The following LRWD1 variants were observed in gnomAD, a reference collection of about 807,000 sequenced individuals.
LRWD1 encodes the protein leucine-rich repeat and WD repeat-containing protein 1.
LRWD1 carries 76 observed loss-of-function variants against 75.6 expected under a neutral mutation model. That is an observed-to-expected ratio of 1.01 (90% CI 0.84 to 1.22). LRWD1 has a LOEUF of 1.22. LRWD1 is among the 50% of genes most tolerant of loss of function. LRWD1 has a pLI of 0.00. For missense variants in LRWD1, 917 were observed against 862.0 expected, an observed-to-expected ratio of 1.06 and a Z score of -0.80; for synonymous variants, 487 against 377.0, an observed-to-expected ratio of 1.29 and a Z score of -3.38.
At chr7:102,471,945 G>A in intron 11 of LRWD1, 1 of 442,704 alleles carries the variant, frequency 2.3e-6, no homozygotes, top group Non-Finnish European at 4.2e-6. Context: ...TCGCTTCAGA[G>A]CCTTATCCAA....
chr7:102,467,904 C>T (rs1183778237), intron 5 of LRWD1, 81 bp downstream of exon 5: 11 of 1,509,034 alleles, frequency 7.3e-6, no homozygotes, highest in Non-Finnish European at 9.8e-6. Flanking sequence ...GCGTCCTGGG[C>T]ATGTGCCCAG....
intron 8 of LRWD1, 95 bp downstream of exon 8, chr7:102,468,749 T>C (rs2133268277): frequency 4.6e-6 from 7 of 1,522,906 alleles, no homozygotes; most frequent in African/African-American, 1.4e-5. Flanking sequence ...CCCTGCCCCA[T>C]GGCCTTTTTC....
At chr7:102,469,321 GC>G (rs1798116123) in intron 9 of LRWD1, among the ~76,000 whole-genome samples, 1 of 152,220 alleles carries the variant, frequency 6.6e-6, no homozygotes, top group Non-Finnish European at 1.5e-5. Context: ...GGATGCCCCT[GC>G]CCCCGGGTGT....
In LRWD1 at chr7:102,472,454, C is replaced by T. The variant is rs1798227990; in HGVS notation, c.1535C>T (p.Ala512Val). The T allele has an allele frequency of 1.3e-6, 2 of 1,535,930 alleles. No homozygotes were observed. Among genetic ancestry groups the T allele is most frequent in the African/African-American group, 2.7e-5 (2 of 72,920 alleles). ...GLAFVNEDIV[A>V]SKGSGLGTIC... ...CACAGCTCTCCCTTCTCCCCCACAGCCTCCAAGGGGAGCGGCCTGGGCACC... is the reference window on the plus strand; with the variant it reads ...CACAGCTCTCCCTTCTCCCCCACAGTCTCCAAGGGGAGCGGCCTGGGCACC... Residue 512 changes from alanine (A) to valine (V), a missense_variant and splice_region_variant, in exon 13 of 15, where the codon GCC (alanine) becomes GTC (valine). Physicochemically the swap from Ala to Val is moderately conservative, Grantham distance 64 (BLOSUM62 0). Coordinates refer to ENST00000292616, the MANE Select transcript of LRWD1 (RefSeq NM_152892.3).
rs554641028 is a variant in LRWD1, at chr7:102,468,163, T to G, written c.780T>G (p.Pro260=). The G allele has an allele frequency of 6.2e-6, 10 of 1,606,294 alleles. No homozygotes were observed. The South Asian group carries it at 8.9e-5, about 14-fold the overall frequency. The change falls in exon 6 of 15, where the codon CCT becomes CCG. Residue 260 remains proline, a synonymous_variant. Coordinates refer to ENST00000292616, the MANE Select transcript of LRWD1 (RefSeq NM_152892.3). ...CGTCGGCCCAGGTGGAGGGCAGCCCTGTGGCAGGCTCCGATGGCAGCCAGG... is the reference window on the plus strand; with the variant it reads ...CGTCGGCCCAGGTGGAGGGCAGCCCGGTGGCAGGCTCCGATGGCAGCCAGG... The part of the protein sequence containing the change: ...ASPSAQVEGS[P]VAGSDGSQPA...
intron 11 of LRWD1, 44 bp from the exon 12 acceptor site, chr7:102,472,174 T>C: frequency 6.5e-7 from 1 of 1,538,588 alleles, no homozygotes; most frequent in Non-Finnish European, 8.8e-7. Context: ...GGCAGCTCTC[T>C]ATCTGCAAGG....
In LRWD1 at chr7:102,467,449, C is replaced by G. The variant is rs374442932; in HGVS notation, c.543C>G (p.Pro181=). The part of the protein sequence containing the change: ...KSAVRDVRYG[P]ESLSEFTQWR... ...CTGTCAGGGATGTCCGCTACGGGCCCGAGTCCCTCAGCGAGTTCACCCAGT... is the reference window on the plus strand; with the variant it reads ...CTGTCAGGGATGTCCGCTACGGGCCGGAGTCCCTCAGCGAGTTCACCCAGT... Residue 181 remains proline, a synonymous_variant, in exon 4 of 15, where the codon CCC becomes CCG. Coordinates refer to ENST00000292616, the MANE Select transcript of LRWD1 (RefSeq NM_152892.3). 2.5e-6 allele frequency: 4 copies of G among 1,613,662 alleles called. No homozygotes were observed. Among genetic ancestry groups the G allele is most frequent in the African/African-American group, 1.3e-5 (1 of 74,858 alleles).
Position 102,468,898 on chromosome 7 carries a change from A to G in LRWD1, c.1064A>G (p.Gln355Arg). Residue 355 changes from glutamine to arginine, a missense_variant, in exon 9 of 15, where the codon CAG becomes CGG. Physicochemically the swap from Gln to Arg is conservative, Grantham distance 43 (BLOSUM62 1). Coordinates refer to ENST00000292616, the MANE Select transcript of LRWD1 (RefSeq NM_152892.3). ...TGGACCGCTCTGATGGTGGTCACAC[A>G]GGCTGGCCACAAGAAGCGCTGGAGT... is the stretch of plus-strand genomic sequence containing the variant. ...VAWTALMVVTQAGHKKRWSVL... is the reference protein window; with the variant it reads ...VAWTALMVVTRAGHKKRWSVL... 6.2e-7 allele frequency: 1 copy of G among 1,612,778 alleles called. No individual in the cohort carries two copies. Among genetic ancestry groups the G allele is most frequent in the Non-Finnish European group, 8.5e-7 (1 of 1,179,970 alleles).
rs183079329 is a variant in LRWD1 at position 102,471,353 on chromosome 7, C to A, written c.1443-865C>A. ...AAGTGCTGGGATTACAGGTGTGAGC[C>A]ACTGCCCTGGGCCAAGATTTGGATT... is the stretch of plus-strand genomic sequence containing the variant. On this transcript the variant is annotated intron_variant, in intron 11 of 14. Transcript: ENST00000292616. 4.4e-3 allele frequency: 675 copies of A among 154,482 alleles called. 4 individuals carry two copies. Among genetic ancestry groups the A allele is most frequent in the African/African-American group, 0.015 (636 of 41,654 alleles). The allele number at this position is 154,482 out of a possible 1,614,324, so 9.6% of individuals were successfully genotyped here. A position where few individuals can be genotyped will look rare whatever the true frequency, so the allele number is the denominator to read the frequency against.
intron 1 of LRWD1, chr7:102,465,569 C>T (rs1797944767): frequency 3.0e-6 from 1 of 335,704 alleles, no homozygotes; most frequent in Admixed American, 5.4e-5. Flanking sequence ...CGCTTCTAGT[C>T]CCAGCTACTC....
In LRWD1 at chr7:102,465,452, G is replaced by T. The variant is rs998214585; in HGVS notation, c.80+292G>T. On this transcript the variant is annotated intron_variant, in intron 1 of 14. Coordinates refer to ENST00000292616, the MANE Select transcript of LRWD1 (RefSeq NM_152892.3). ...AAGGATCAGGAAGAGCATCCTAGAG[G>T]GGGCTAGGATGCCCCCGAGTCCTAA... The T allele has an allele frequency of 1.3e-5, 5 of 395,844 alleles. No homozygotes were observed. The Admixed American group carries it at 2.2e-4, about 17-fold the overall frequency. The allele number at this position is 395,844 out of a possible 1,614,324, so 24.5% of individuals were successfully genotyped here. A position where few individuals can be genotyped will look rare whatever the true frequency, so the allele number is the denominator to read the frequency against.
At position 102,467,439 on chromosome 7, in the gene LRWD1, GCTA is replaced by G. The variant is rs1171066951; in HGVS notation, c.535_537del (p.Tyr179del). On this transcript the variant is annotated inframe_deletion, in exon 4 of 15. Coordinates refer to ENST00000292616, the MANE Select transcript of LRWD1 (RefSeq NM_152892.3). ...GTGAAGTCGGCTGTCAGGGATGTCC[GCTA>G]CGGGCCCGAGTCCCTCAGCGAGTTC... 1 of 1,613,660 alleles carries G rather than the reference GCTA, an allele frequency of 6.2e-7. No individual in the cohort carries two copies. Among genetic ancestry groups the G allele is most frequent in the African/African-American group, 1.3e-5 (1 of 74,820 alleles).
rs1269393410 is a variant in LRWD1, at chr7:102,472,286, C to T, written c.1511C>T (p.Ala504Val). The change falls in exon 12 of 15, where the codon GCA becomes GTA. Residue 504 changes from alanine (A) to valine (V), a missense_variant. By Grantham distance (64) the Ala-to-Val change is moderately conservative. Transcript: ENST00000292616. The part of the protein sequence containing the change: ...EASGRRVDGL[A>V]FVNEDIVASK... Reference sequence around the variant, plus strand: ...TCTGGACGGAGAGTGGATGGGCTGGCATTTGTGAATGAGGACATCGTGGGT... The same window carrying T: ...TCTGGACGGAGAGTGGATGGGCTGGTATTTGTGAATGAGGACATCGTGGGT... 3 of 1,584,502 alleles carry T rather than the reference C, an allele frequency of 1.9e-6. No homozygotes were observed. The highest frequency in any genetic ancestry group is 1.7e-6 in the Non-Finnish European group (2 of 1,163,638).
In LRWD1 at chr7:102,466,215, A is replaced by T. The variant is rs1295737558; in HGVS notation, c.377A>T (p.Asp126Val). 2 of 1,614,038 alleles carry T rather than the reference A, an allele frequency of 1.2e-6. No individual in the cohort carries two copies. Among genetic ancestry groups the T allele is most frequent in the Non-Finnish European group, 1.7e-6 (2 of 1,180,036 alleles). ...LPTLRKVNGK[D>V]ASSTYSQVEN... ...ACGCTCCGTAAGGTCAATGGCAAGG[A>T]TGCGTCCTCAACTTACTCTCAGGTG... Residue 126 changes from aspartate to valine, a missense_variant, in exon 3 of 15, where the codon GAT (aspartate) becomes GTT (valine). By Grantham distance (152) the Asp-to-Val change is radical. Coordinates refer to ENST00000292616, the MANE Select transcript of LRWD1 (RefSeq NM_152892.3).
At position 102,467,189 on chromosome 7, in the gene LRWD1, T is replaced by G. The variant is rs1177277136; in HGVS notation, c.433-150T>G. On this transcript the variant is annotated intron_variant, in intron 3 of 14. Coordinates refer to ENST00000292616, the MANE Select transcript of LRWD1 (RefSeq NM_152892.3). ...TGTGTGGGGTGTGTGTGTGTGTGTG[T>G]GTGTGTGTGTGTGTGTGTGTGTGTG... is the stretch of plus-strand genomic sequence containing the variant. 11 of 664,226 alleles carry G rather than the reference T, an allele frequency of 1.7e-5. No individual in the cohort carries two copies. The Admixed American group carries it at 1.7e-4, about 10-fold the overall frequency. 41.1% of individuals were successfully genotyped at this position (664,226 alleles called of 1,614,324 possible).
In LRWD1 at chr7:102,465,020, G is replaced by C; in HGVS notation, c.-61G>C. 1 of 1,391,204 alleles carries C rather than the reference G, an allele frequency of 7.2e-7. No individual in the cohort carries two copies. The highest frequency in any genetic ancestry group is 1.6e-5 in the South Asian group (1 of 64,142). 86.2% of individuals were successfully genotyped at this position (1,391,204 alleles called of 1,614,324 possible). The stretch of plus-strand genomic sequence containing the variant: ...ACGCCAGTGCCGGGCTCCAGGAGAC[G>C]CAGGGCGACGCCACACGCCGGGGTG... On this transcript the variant is annotated 5_prime_UTR_variant, in exon 1 of 15. Transcript: ENST00000292616.
Position 102,472,268 on chromosome 7 carries a change from GGA to G in LRWD1, c.1497_1498del (p.Arg499SerfsTer9), listed in dbSNP as rs748424066. 3 of 1,594,548 alleles carry G rather than the reference GGA, an allele frequency of 1.9e-6. No homozygotes were observed. Among genetic ancestry groups the G allele is most frequent in the Non-Finnish European group, 2.6e-6 (3 of 1,169,044 alleles). On this transcript the variant is annotated frameshift_variant, in exon 12 of 15. Transcript: ENST00000292616. LOFTEE classifies it high-confidence loss of function. ...TCTGAGGGCTCCGAGGCATCTGGAC[GGA>G]GAGTGGATGGGCTGGCATTTGTGAA... is the stretch of plus-strand genomic sequence containing the variant.
chr7:102,467,290 C>T (rs199763079), intron 3 of LRWD1, 49 bp from the exon 4 acceptor site: 361 of 1,546,716 alleles, frequency 2.3e-4, no homozygotes, highest in Admixed American at 5.8e-4. Context: ...GGGCTGGGTC[C>T]GGAGGAGCTG....
Position 102,467,070 on chromosome 7 carries a change from G to GGT in LRWD1, c.433-244_433-243dup, listed in dbSNP as rs59522694. On this transcript the variant is annotated intron_variant, in intron 3 of 14. Transcript: ENST00000292616. ...GACTATAGGCACCTGGGTTGTTGCT[G>GGT]GTGTGTGTGTGTGTGTGTGTGTGTG... 7.6e-3 allele frequency among the ~76,000 whole-genome samples: 1,016 copies of GGT among 133,570 alleles called. 16 individuals are homozygous for GGT. Among genetic ancestry groups the GGT allele is most frequent in the African/African-American group, 0.018 (618 of 34,836 alleles). The allele number at this position is 133,570 out of a possible 152,430, so 87.6% of individuals were successfully genotyped here. A position where few individuals can be genotyped will look rare whatever the true frequency, so the allele number is the denominator to read the frequency against.
Sources: allele counts gnomAD v4.1 joint callset (sites outside exome capture counted in the v4.1 genomes callset), GRCh38; gene constraint gnomAD v4.1.1; transcripts MANE v1.5; gene names NCBI Gene and HGNC (gene_info 2026-07-23, HGNC 2026-07-21).